SMS: variants seen among roughly 807,000 people sequenced by gnomAD.
The protein encoded by SMS is spermidine aminopropyltransferase.
A neutral mutation model predicts 33.0 loss-of-function variants in SMS; 3 were observed. That is an observed-to-expected ratio of 0.09 (90% CI 0.04 to 0.23). The LOEUF (loss-of-function observed/expected upper bound fraction) is 0.23. Among genes scored for constraint, SMS ranks in the 10% least tolerant of loss-of-function variants. The probability of loss-of-function intolerance (pLI) is 1.00; values close to 1 mark genes in which losing one functional copy is unlikely to be tolerated. For synonymous variants in SMS, 103 were observed against 112.2 expected (o/e 0.92, Z 0.52); for missense variants, 117 against 288.6 (o/e 0.41, Z 4.31).
At chrX:21,952,316 T>G (rs1424308803) in intron 1 of SMS, among the ~76,000 whole-genome samples, 2 of 111,799 alleles carry the variant, frequency 1.8e-5, no homozygotes, top group African/African-American at 6.5e-5. Context: ...TGTGTTTATC[T>G]TGAATGAGTG....
chrX:21,942,829 C>CT (rs772851812), intron 1 of SMS, among the ~76,000 whole-genome samples: 12,331 of 81,816 alleles, frequency 0.15, 1,971 homozygotes, highest in African/African-American at 0.42. Flanking sequence ...ATTTTCTTAA[C>CT]TTTTTTTTTT....
At chrX:21,944,522 C>CAAAAAAAAA (rs777680386) in intron 1 of SMS, among the ~76,000 whole-genome samples, 74 of 34,642 alleles carry the variant, frequency 2.1e-3, no homozygotes, top group East Asian at 5.2e-3. Flanking sequence ...CCTGTCTCTA[C>CAAAAAAAAA]AAAAAAAAAA....
intron 1 of SMS, among the ~76,000 whole-genome samples, chrX:21,954,181 C>A (rs1165389674): frequency 8.9e-6 from 1 of 111,967 alleles, no homozygotes; most frequent in Non-Finnish European, 1.9e-5. Context: ...ATTCTAGTTT[C>A]AAATGCTAAG....
chrX:21,960,058 C>A, intron 1 of SMS: 1 of 316,475 alleles, frequency 3.2e-6, no homozygotes, highest in Non-Finnish European at 4.2e-6. Context: ...TGTAGGGGCA[C>A]TGAGAATAAA....
intron 2 of SMS, among the ~76,000 whole-genome samples, chrX:21,970,957 G>T (rs1458010467): frequency 4.6e-5 from 5 of 109,280 alleles, no homozygotes; most frequent in African/African-American, 1.7e-4. Context: ...AACACTTTGG[G>T]AGGCCAAGGC....
intron 7 of SMS, among the ~76,000 whole-genome samples, chrX:21,979,889 G>A (rs1348809377): frequency 2.8e-5 from 3 of 105,407 alleles, no homozygotes; most frequent in African/African-American, 1.0e-4. Flanking sequence ...TTTTAATGAT[G>A]GCCATTCTAA....
At chrX:21,949,609 TC>T (rs1032524717) in intron 1 of SMS, among the ~76,000 whole-genome samples, 28 of 112,241 alleles carry the variant, frequency 2.5e-4, no homozygotes, top group African/African-American at 7.8e-4. Context: ...CCATTTTTTT[TC>T]ATAAATGAAA....
At chrX:21,952,561 A>C (rs1922690367) in intron 1 of SMS, among the ~76,000 whole-genome samples, 1 of 109,134 alleles carries the variant, frequency 9.2e-6, no homozygotes, top group African/African-American at 3.3e-5. Flanking sequence ...CTCATGAGGG[A>C]TATTGGTCCA....
intron 1 of SMS, among the ~76,000 whole-genome samples, chrX:21,956,561 C>T (rs1922985570): frequency 8.9e-6 from 1 of 111,793 alleles, no homozygotes; most frequent in South Asian, 3.7e-4. Context: ...CCTCCGCCTC[C>T]TGTGTTCAAG....
At chrX:21,983,939 G>C (rs1925151574) in intron 7 of SMS, among the ~76,000 whole-genome samples, 1 of 111,733 alleles carries the variant, frequency 8.9e-6, no homozygotes, top group Non-Finnish European at 1.9e-5. Context: ...AGGAGAGGCA[G>C]TATAGATTAG....
chrX:21,945,746 T>A (rs1175064316), intron 1 of SMS, among the ~76,000 whole-genome samples: 3 of 105,087 alleles, frequency 2.9e-5, no homozygotes, highest in African/African-American at 1.0e-4. Context: ...TGTCTCAGCC[T>A]CCAGAGTAGC....
At chrX:21,972,685 G>T in intron 4 of SMS, 114 bp downstream of exon 4, 2 of 538,067 alleles carry the variant, frequency 3.7e-6, no homozygotes, top group East Asian at 7.4e-5. Context: ...GAGGCAGGCG[G>T]ATCACTTGAA....
intron 7 of SMS, among the ~76,000 whole-genome samples, chrX:21,982,971 T>G (rs1330067097): frequency 3.6e-5 from 4 of 112,168 alleles, no homozygotes; most frequent in African/African-American, 1.3e-4. Flanking sequence ...ATTATAACTG[T>G]GAGGCTATAA....
At chrX:21,978,848 A>G in intron 6 of SMS, 29 bp from the exon 7 acceptor site, 1 of 1,043,975 alleles carries the variant, frequency 9.6e-7, no homozygotes, top group Non-Finnish European at 1.3e-6. Flanking sequence ...TCTTTGATAT[A>G]CCCAAATTCT....
At chrX:21,955,188 G>A (rs1237690465) in intron 1 of SMS, among the ~76,000 whole-genome samples, 1 of 112,278 alleles carries the variant, frequency 8.9e-6, no homozygotes, top group Non-Finnish European at 1.9e-5. Flanking sequence ...ATTCTGCCCG[G>A]TTAAGGTTAG....
intron 1 of SMS, among the ~76,000 whole-genome samples, chrX:21,956,681 G>A (rs748640130): frequency 3.8e-4 from 42 of 110,945 alleles, no homozygotes; most frequent in Non-Finnish European, 7.0e-4. Context: ...TGTTGCTCAG[G>A]CTGGTCTCGA....
intron 1 of SMS, 68 bp from the exon 2 acceptor site, chrX:21,967,126 CTG>C: frequency 2.8e-6 from 3 of 1,056,250 alleles, no homozygotes; most frequent in Non-Finnish European, 2.6e-6. Context: ...AGTCCTCAAA[CTG>C]TGCCTCATTG....
intron 4 of SMS, among the ~76,000 whole-genome samples, chrX:21,975,225 GTTATAGGGCTACCAGCGAGATGCCCT>G (rs1487305610): frequency 1.8e-5 from 2 of 110,982 alleles, no homozygotes; most frequent in Non-Finnish European, 3.8e-5. Flanking sequence ...CTGGTAGCCC[GTTATAGGGCTACCAGCGAGATGCCCT>G]TTAATGCTAG....
chrX:21,961,034 CTTTT>C lies in SMS; in HGVS notation c.50-6140_50-6137del, dbSNP rs773159264. 4.3e-4 allele frequency among the ~76,000 whole-genome samples: 18 copies of C among 41,725 alleles called. No homozygotes were observed. The South Asian group carries it at 7.5e-3, about 17-fold the overall frequency. The allele number at this position is 41,725 out of a possible 115,157, so 36.2% of individuals were successfully genotyped here. ...AGGAGCAGGAATATTATATGCATGT[CTTTT>C]TTTTTTTTTTTTTTTTTTTTTGGTG... On this transcript the variant is annotated intron_variant, in intron 1 of 10. Transcript: ENST00000404933.
Sources: allele counts gnomAD v4.1 joint callset (sites outside exome capture counted in the v4.1 genomes callset), GRCh38; gene constraint gnomAD v4.1.1; transcripts MANE v1.5; gene names NCBI Gene and HGNC (gene_info 2026-07-23, HGNC 2026-07-21).